Variants in ATP8A2 observed in about 807,000 individuals in gnomAD.
The protein encoded by ATP8A2 is ATPase phospholipid transporting 8A2, also known as phospholipid-transporting ATPase IB.
ATP8A2 carries 100 observed loss-of-function variants against 165.6 expected under a neutral mutation model. The observed-to-expected ratio is 0.60, with a 90% CI of 0.51 to 0.71. The LOEUF is 0.71. Among genes scored for constraint, ATP8A2 ranks in the 30% least tolerant of loss-of-function variants. ATP8A2 has a pLI of 0.00. For synonymous variants in ATP8A2, 543 were observed against 548.8 expected, an observed-to-expected ratio of 0.99 and a Z score of 0.15; for missense variants, 1,227 against 1,479.5, an observed-to-expected ratio of 0.83 and a Z score of 2.80.
intron 1 of ATP8A2, among the ~76,000 whole-genome samples, chr13:25,423,926 T>C (rs1465966033): frequency 6.6e-6 from 1 of 152,202 alleles, no homozygotes; most frequent in Non-Finnish European, 1.5e-5. Context: ...TTGTGTCCAC[T>C]GACAGCGTGG....
rs2033441085 is a variant in ATP8A2, at chr13:25,396,796, C to T, written c.76+24508C>T. 2.0e-5 allele frequency among the ~76,000 whole-genome samples: 3 copies of T among 152,220 alleles called. No individual in the cohort carries two copies. In the South Asian group the frequency reaches 6.2e-4, roughly 31 times the overall value. On this transcript the variant is annotated intron_variant, in intron 1 of 36. Coordinates refer to ENST00000381655, the MANE Select transcript of ATP8A2 (RefSeq NM_016529.6). Reference sequence around the variant, plus strand: ...CTACTTTCAGGCTTTTCAGACACATCTATTGCGGGGAGGACTCTAAAAACT... The same window carrying T: ...CTACTTTCAGGCTTTTCAGACACATTTATTGCGGGGAGGACTCTAAAAACT...
chr13:25,663,677 A>G (rs1409765050), intron 24 of ATP8A2, among the ~76,000 whole-genome samples: 1 of 152,190 alleles, frequency 6.6e-6, no homozygotes, highest in African/African-American at 2.4e-5. Context: ...AGATGAAGCA[A>G]TCTTCGACCT....
At chr13:25,646,517 G>A (rs978798793) in intron 24 of ATP8A2, among the ~76,000 whole-genome samples, 2 of 151,854 alleles carry the variant, frequency 1.3e-5, no homozygotes, top group African/African-American at 4.8e-5. Context: ...TTAGCCAGGT[G>A]TGGTGGTGGG....
At chr13:25,507,040 A>G (rs921508683) in intron 2 of ATP8A2, among the ~76,000 whole-genome samples, 4 of 151,306 alleles carry the variant, frequency 2.6e-5, no homozygotes, top group Admixed American at 2.6e-4. Context: ...ATCTCTATAT[A>G]AATTTTGGTA....
chr13:25,951,155 G>A (rs768945403), intron 33 of ATP8A2, among the ~76,000 whole-genome samples: 1 of 152,140 alleles, frequency 6.6e-6, no homozygotes, highest in Non-Finnish European at 1.5e-5. Context: ...GGAAACATAT[G>A]TCCACACGCA....
chr13:25,859,717 A>G (rs556476960), intron 30 of ATP8A2, among the ~76,000 whole-genome samples: 125 of 152,324 alleles, frequency 8.2e-4, no homozygotes, highest in Non-Finnish European at 1.2e-3. Context: ...AAATACCCCC[A>G]AAATTCTTTC....
chr13:25,996,566 C>T (rs573546677), intron 35 of ATP8A2, among the ~76,000 whole-genome samples: 13 of 152,130 alleles, frequency 8.5e-5, no homozygotes, highest in African/African-American at 2.9e-4. Context: ...ACTCTGTTGC[C>T]CAGGCTAGAG....
chr13:25,602,445 C>G (rs1377862129), intron 24 of ATP8A2, among the ~76,000 whole-genome samples: 1 of 152,182 alleles, frequency 6.6e-6, no homozygotes, highest in Non-Finnish European at 1.5e-5. Flanking sequence ...CCCACTTTGC[C>G]TGGAGCAGTC....
chr13:25,696,955 T>A (rs538473897), intron 24 of ATP8A2, among the ~76,000 whole-genome samples: 1 of 152,182 alleles, frequency 6.6e-6, no homozygotes, highest in African/African-American at 2.4e-5. Flanking sequence ...AGGTCACTGA[T>A]GACAGATTAC....
chr13:25,383,025 G>C (rs149712499), intron 1 of ATP8A2, among the ~76,000 whole-genome samples: 58 of 150,398 alleles, frequency 3.9e-4, no homozygotes, highest in Admixed American at 1.4e-3. Flanking sequence ...AAAGTGCTGG[G>C]ATTACAGGTG....
At chr13:25,520,685 C>T (rs905410551) in intron 2 of ATP8A2, among the ~76,000 whole-genome samples, 4 of 150,240 alleles carry the variant, frequency 2.7e-5, no homozygotes, top group Non-Finnish European at 5.9e-5. Context: ...ATTGCAAGCT[C>T]CGCTTCTCAG....
At position 25,993,324 on chromosome 13, in the gene ATP8A2, C is replaced by T. The variant is rs184053842; in HGVS notation, c.3378-19207C>T. On this transcript the variant is annotated intron_variant, in intron 35 of 36. Coordinates refer to ENST00000381655, the MANE Select transcript of ATP8A2 (RefSeq NM_016529.6). ...AATGGGCAAAAACTGGAAGCATTCCCTTTGAAAACTGGCACAAGACAGGGT... is the reference window on the plus strand; with the variant it reads ...AATGGGCAAAAACTGGAAGCATTCCTTTTGAAAACTGGCACAAGACAGGGT... Among the ~76,000 whole-genome samples, 426 of 152,294 alleles carry T rather than the reference C, an allele frequency of 2.8e-3. 2 individuals carry two copies. The highest frequency in any genetic ancestry group is 9.8e-3 in the African/African-American group (409 of 41,554).
At chr13:25,577,238 TC>T in intron 20 of ATP8A2, 100 bp downstream of exon 20, 1 of 1,054,280 alleles carries the variant, frequency 9.5e-7, no homozygotes, top group Non-Finnish European at 1.5e-6. Flanking sequence ...TGATTGTTTG[TC>T]CAGAGTTGAA....
chr13:25,519,154 T>A (rs1240948786), intron 2 of ATP8A2, among the ~76,000 whole-genome samples: 1 of 152,056 alleles, frequency 6.6e-6, no homozygotes, highest in Non-Finnish European at 1.5e-5. Flanking sequence ...GTCCCCTCCC[T>A]CTGCAAAGCT....
At chr13:25,947,470 A>G (rs930889071) in intron 33 of ATP8A2, among the ~76,000 whole-genome samples, 3 of 152,170 alleles carry the variant, frequency 2.0e-5, no homozygotes, top group African/African-American at 7.2e-5. Context: ...TACCGTCATC[A>G]GTGACAATGA....
chr13:25,466,403 G>C (rs2035669175), intron 1 of ATP8A2, among the ~76,000 whole-genome samples: 1 of 151,976 alleles, frequency 6.6e-6, no homozygotes, highest in Non-Finnish European at 1.5e-5. Flanking sequence ...AGGCTCTTCT[G>C]TCTGTACTCA....
intron 6 of ATP8A2, among the ~76,000 whole-genome samples, chr13:25,533,542 A>T (rs1176929024): frequency 6.6e-6 from 1 of 152,200 alleles, no homozygotes; most frequent in Non-Finnish European, 1.5e-5. Context: ...CTGAAATCTC[A>T]AAGTATTTTC....
At chr13:25,785,532 G>T (rs998337030) in intron 27 of ATP8A2, among the ~76,000 whole-genome samples, 18 of 152,030 alleles carry the variant, frequency 1.2e-4, no homozygotes, top group Admixed American at 9.8e-4. Context: ...TTTAGTTTGT[G>T]TTGCTCTCAT....
intron 24 of ATP8A2, among the ~76,000 whole-genome samples, chr13:25,697,445 T>A (rs2042857742): frequency 6.6e-6 from 1 of 152,142 alleles, no homozygotes; most frequent in Non-Finnish European, 1.5e-5. Context: ...ACAGCCCGAC[T>A]AATTTTTGTA....
Sources: allele counts gnomAD v4.1 joint callset (sites outside exome capture counted in the v4.1 genomes callset), GRCh38; gene constraint gnomAD v4.1.1; transcripts MANE v1.5; gene names NCBI Gene and HGNC (gene_info 2026-07-23, HGNC 2026-07-21).